The following RSBN1L variants were observed in gnomAD, a reference collection of about 807,000 sequenced individuals.
RSBN1L encodes round spermatid basic protein 1 like.
In RSBN1L, 30 loss-of-function variants were observed where a neutral mutation model predicts 67.7. The observed-to-expected ratio is 0.44, with a 90% CI of 0.33 to 0.60. The LOEUF is 0.60. Ranked by LOEUF, RSBN1L falls within the 20% of genes least tolerant of loss-of-function variation. RSBN1L has a pLI of 0.02. For missense variants in RSBN1L, 992 were observed against 1,031.7 expected, an observed-to-expected ratio of 0.96 and a Z score of 0.53; for synonymous variants, 433 against 387.0, an observed-to-expected ratio of 1.12 and a Z score of -1.39.
At chr7:77,699,322 A>G (rs936429608) in intron 1 of RSBN1L, among the ~76,000 whole-genome samples, 3 of 152,120 alleles carry the variant, frequency 2.0e-5, no homozygotes, top group Non-Finnish European at 4.4e-5. Context: ...AACCACACAC[A>G]CTCGAAAGAC....
intron 1 of RSBN1L, among the ~76,000 whole-genome samples, chr7:77,705,268 T>C (rs1398665647): frequency 6.6e-6 from 1 of 152,198 alleles, no homozygotes. Context: ...GATTTTCCTG[T>C]ATTCATAATT....
intron 3 of RSBN1L, among the ~76,000 whole-genome samples, chr7:77,755,312 G>A (rs1331990765): frequency 1.3e-5 from 2 of 152,074 alleles, no homozygotes; most frequent in Non-Finnish European, 2.9e-5. Context: ...CTTACGCTAG[G>A]GCTGCATCCT....
At chr7:77,730,044 G>A (rs908440825) in intron 1 of RSBN1L, among the ~76,000 whole-genome samples, 6 of 152,136 alleles carry the variant, frequency 3.9e-5, no homozygotes, top group Admixed American at 6.5e-5. Flanking sequence ...TAAAAAGTGT[G>A]TGTTTAGCCC....
chr7:77,749,602 C>A lies in RSBN1L; in HGVS notation c.882C>A (p.Gly294=). 6.2e-7 allele frequency: 1 copy of A among 1,613,872 alleles called. No homozygotes were observed. Among genetic ancestry groups the A allele is most frequent in the South Asian group, 1.1e-5 (1 of 91,040 alleles). ...LTDVEDQAAK[G]ILNDNIKDYV... is the part of the protein sequence containing the mutation. ...ATGTTGAAGATCAAGCAGCCAAAGGCATCCTAAATGATAACATAAAAGATT... is the reference window on the plus strand; with the variant it reads ...ATGTTGAAGATCAAGCAGCCAAAGGAATCCTAAATGATAACATAAAAGATT... The change falls in exon 3 of 8, where the codon GGC becomes GGA. Residue 294 remains glycine (G), a synonymous_variant. Transcript: ENST00000334955.
At chr7:77,707,022 A>AT (rs1034017450) in intron 1 of RSBN1L, among the ~76,000 whole-genome samples, 16,394 of 137,620 alleles carry the variant, frequency 0.12, 1,236 homozygotes, top group South Asian at 0.2. Flanking sequence ...ATTAAACTAG[A>AT]TTTTTTTTTT....
chr7:77,736,600 TAAG>T (rs1791339098), intron 2 of RSBN1L, 74 bp downstream of exon 2: 2 of 807,460 alleles, frequency 2.5e-6, no homozygotes, highest in Non-Finnish European at 3.6e-6. Context: ...GTGAATAAAA[TAAG>T]AAATGTTATT....
intron 3 of RSBN1L, among the ~76,000 whole-genome samples, chr7:77,760,534 A>G (rs1457522822): frequency 6.6e-6 from 1 of 152,228 alleles, no homozygotes; most frequent in Non-Finnish European, 1.5e-5. Context: ...GTTCTGACAC[A>G]TCTATATACC....
intron 1 of RSBN1L, among the ~76,000 whole-genome samples, chr7:77,709,372 C>T (rs1043279777): frequency 3.9e-5 from 6 of 152,018 alleles, no homozygotes; most frequent in East Asian, 1.9e-4. Context: ...TCACTGCAAC[C>T]GCCACCTCCT....
chr7:77,696,528 T>A lies in RSBN1L; in HGVS notation c.59T>A (p.Val20Asp). The change falls in exon 1 of 8, where the codon GTC becomes GAC. Residue 20 changes from valine (V) to aspartate (D), a missense_variant. Val to Asp is a radical substitution (Grantham distance 152). Coordinates refer to ENST00000334955, the MANE Select transcript of RSBN1L (RefSeq NM_198467.3). Reference protein sequence around the residue: ...CVAAAAPTATVSEKEPFGKLQ... With the variant: ...CVAAAAPTATDSEKEPFGKLQ... ...GCTGCCGCGGCCCCCACCGCCACCG[T>A]CTCGGAGAAAGAACCGTTTGGCAAG... is the stretch of plus-strand genomic sequence containing the variant. 1 of 1,613,800 alleles carries A rather than the reference T, an allele frequency of 6.2e-7. No homozygotes were observed. Among genetic ancestry groups the A allele is most frequent in the South Asian group, 1.1e-5 (1 of 91,074 alleles).
intron 1 of RSBN1L, among the ~76,000 whole-genome samples, chr7:77,729,821 GTGTACACC>G (rs1791251961): frequency 6.6e-6 from 1 of 152,052 alleles, no homozygotes; most frequent in Non-Finnish European, 1.5e-5. Context: ...GGGTGTGATG[GTGTACACC>G]TGTGGTCCCA....
At chr7:77,771,872 G>A (rs1791854384) in intron 5 of RSBN1L, among the ~76,000 whole-genome samples, 1 of 151,608 alleles carries the variant, frequency 6.6e-6, no homozygotes, top group African/African-American at 2.4e-5. Flanking sequence ...TTGAGAATCT[G>A]AAAGTCTCTT....
chr7:77,744,604 G>A (rs558627699), intron 2 of RSBN1L, among the ~76,000 whole-genome samples: 1 of 151,822 alleles, frequency 6.6e-6, no homozygotes, highest in African/African-American at 2.4e-5. Context: ...TTTTAGTAGA[G>A]ACGGGGTTTC....
rs886761018 is a variant in RSBN1L, at chr7:77,770,682, T to TA, written c.1625+1889dup. ...GGTGACAGAACCAGAACCTATCTCT[T>TA]AAAAAAAAAATGGTGAAATAGTTAA... On this transcript the variant is annotated intron_variant, in intron 5 of 7. Transcript: ENST00000334955. Among the ~76,000 whole-genome samples the TA allele has an allele frequency of 1.1e-4, 16 of 149,088 alleles. No individual in the cohort carries two copies. In the South Asian group the frequency reaches 1.5e-3, roughly 14 times the overall value.
intron 1 of RSBN1L, among the ~76,000 whole-genome samples, chr7:77,734,675 G>C (rs566695978): frequency 6.6e-6 from 1 of 152,212 alleles, no homozygotes; most frequent in South Asian, 2.1e-4. Flanking sequence ...TTTTAGTATA[G>C]ATGGGGTTTT....
rs1791749970 is a variant in RSBN1L at position 77,765,551 on chromosome 7, C to T, written c.1401C>T (p.Ser467=). The change falls in exon 4 of 8, where the codon AGC becomes AGT. Residue 467 remains serine (S), a synonymous_variant. Coordinates refer to ENST00000334955, the MANE Select transcript of RSBN1L (RefSeq NM_198467.3). ...TYRAGPMRQI[S]LVGAVDEEVG... is the part of the protein sequence containing the mutation. ...GAGCTGGCCCAATGAGACAAATAAG[C>T]TTGGTGGGAGCAGTTGATGAAGAAG... The T allele has an allele frequency of 1.2e-6, 2 of 1,610,790 alleles. No individual in the cohort carries two copies. Among genetic ancestry groups the T allele is most frequent in the Admixed American group, 1.7e-5 (1 of 59,914 alleles).
chr7:77,765,449 G>A, intron 3 of RSBN1L, 46 bp from the exon 4 acceptor site: 2 of 1,413,318 alleles, frequency 1.4e-6, no homozygotes, highest in South Asian at 1.6e-5. Flanking sequence ...TATTCTTCAG[G>A]TAAAAAGAAC....
intron 1 of RSBN1L, among the ~76,000 whole-genome samples, chr7:77,735,241 C>G (rs1421686900): frequency 6.6e-6 from 1 of 151,970 alleles, no homozygotes; most frequent in African/African-American, 2.4e-5. Context: ...TGTGACTATT[C>G]AACACTTAAA....
At chr7:77,712,764 C>T (rs1790992297) in intron 1 of RSBN1L, among the ~76,000 whole-genome samples, 1 of 151,796 alleles carries the variant, frequency 6.6e-6, no homozygotes, top group South Asian at 2.1e-4. Context: ...TTAACTGATA[C>T]TGTATTGTGG....
At chr7:77,746,522 C>G (rs376068548) in intron 2 of RSBN1L, among the ~76,000 whole-genome samples, 3 of 152,270 alleles carry the variant, frequency 2.0e-5, no homozygotes. Context: ...GGACACAGAT[C>G]CAAACCATAT....
Sources: allele counts gnomAD v4.1 joint callset (sites outside exome capture counted in the v4.1 genomes callset), GRCh38; gene constraint gnomAD v4.1.1; transcripts MANE v1.5; gene names NCBI Gene and HGNC (gene_info 2026-07-23, HGNC 2026-07-21).